COPRS: variants seen among roughly 807,000 people sequenced by gnomAD.
COPRS encodes the protein cooperator of PRMT5.
Under a neutral mutation model 19.9 loss-of-function variants are expected in COPRS, and 11 were observed. That is an observed-to-expected ratio of 0.55 (90% CI 0.35 to 0.92). The LOEUF is 0.92. Ranked by LOEUF, COPRS falls within the 40% of genes least tolerant of loss-of-function variation. The probability of loss-of-function intolerance (pLI) is 0.01; values close to 1 mark genes in which losing one functional copy is unlikely to be tolerated. For synonymous variants in COPRS, 81 were observed against 82.7 expected (o/e 0.98, Z 0.11); for missense variants, 225 against 229.9 (o/e 0.98, Z 0.14).
At chr17:31,852,388 T>C in intron 3 of COPRS, 80 bp from the exon 4 acceptor site, 4 of 1,073,708 alleles carry the variant, frequency 3.7e-6, no homozygotes, top group Non-Finnish European at 5.5e-6. Context: ...CAAAAAGGTA[T>C]GTCTAGGGGA....
chr17:31,859,036 G>GGCCCC (rs1909452410), intron 1 of COPRS, 65 bp downstream of exon 1: 5 of 1,170,636 alleles, frequency 4.3e-6, no homozygotes, highest in Non-Finnish European at 5.2e-6. Flanking sequence ...CGCCCAGCCC[G>GGCCCC]GCCCCGCGAC....
intron 2 of COPRS, among the ~76,000 whole-genome samples, chr17:31,854,987 T>A (rs922840152): frequency 1.3e-5 from 2 of 152,228 alleles, no homozygotes; most frequent in African/African-American, 2.4e-5. Flanking sequence ...AGGTTATGCA[T>A]CTTTTACCAC....
intron 2 of COPRS, among the ~76,000 whole-genome samples, chr17:31,853,499 C>T (rs1909228618): frequency 6.6e-6 from 1 of 152,010 alleles, no homozygotes; most frequent in Admixed American, 6.6e-5. Context: ...TCTGCCTCAG[C>T]CTCCTGAGCA....
At chr17:31,855,657 G>A (rs1909320982) in intron 2 of COPRS, among the ~76,000 whole-genome samples, 1 of 151,162 alleles carries the variant, frequency 6.6e-6, no homozygotes, top group Non-Finnish European at 1.5e-5. Flanking sequence ...CTGCACTCCA[G>A]CCTGGGTGAC....
chr17:31,855,604 T>C (rs1555571629), intron 2 of COPRS, among the ~76,000 whole-genome samples: 1 of 151,522 alleles, frequency 6.6e-6, no homozygotes, highest in Non-Finnish European at 1.5e-5. Context: ...GAGAATCACT[T>C]GAACCCGGGA....
chr17:31,852,229 A>AT lies in COPRS; in HGVS notation c.464dup (p.Tyr155Ter). The AT allele has an allele frequency of 6.2e-7, 1 of 1,614,146 alleles. No individual in the cohort carries two copies. Among genetic ancestry groups the AT allele is most frequent in the South Asian group, 1.1e-5 (1 of 91,088 alleles). Residue 155 changes from tyrosine to a stop codon, truncating the protein, a stop_gained and frameshift_variant, in exon 4 of 4, where the codon TAT becomes TAAT. Transcript: ENST00000302362. LOFTEE classifies it high-confidence loss of function. ...VCCAPQGDMI[Y>*]DPSWHHPPPL... Reference sequence around the variant, plus strand: ...GAGGCGGATGGTGCCAGCTGGGGTCATAGATCATGTCTCCTTGTGGGGCAC... The same window carrying AT: ...GAGGCGGATGGTGCCAGCTGGGGTCATTAGATCATGTCTCCTTGTGGGGCAC...
At chr17:31,857,096 C>A (rs1416983039) in intron 1 of COPRS, among the ~76,000 whole-genome samples, 3 of 152,150 alleles carry the variant, frequency 2.0e-5, no homozygotes, top group Non-Finnish European at 4.4e-5. Flanking sequence ...TTCACCGTGG[C>A]AGCAGGAATG....
intron 1 of COPRS, among the ~76,000 whole-genome samples, chr17:31,857,222 A>C (rs552956677): frequency 5.9e-5 from 9 of 152,304 alleles, no homozygotes; most frequent in African/African-American, 2.2e-4. Flanking sequence ...CTCCAAGCTC[A>C]GAGACCCCCT....
intron 1 of COPRS, among the ~76,000 whole-genome samples, chr17:31,857,134 T>C (rs1205546358): frequency 6.6e-6 from 1 of 152,114 alleles, no homozygotes; most frequent in Non-Finnish European, 1.5e-5. Context: ...CAGAATCCAG[T>C]ATACAGTTCT....
intron 1 of COPRS, 90 bp from the exon 2 acceptor site, chr17:31,856,955 C>T (rs1909377288): frequency 2.5e-6 from 2 of 805,760 alleles, no homozygotes; most frequent in Admixed American, 3.9e-5. Flanking sequence ...CCCACTCTTC[C>T]ATACTCCCCT....
chr17:31,854,764 A>G (rs1909280868), intron 2 of COPRS, among the ~76,000 whole-genome samples: 1 of 152,174 alleles, frequency 6.6e-6, no homozygotes, highest in African/African-American at 2.4e-5. Context: ...GCCTATCCAG[A>G]ACAGATAAAC....
chr17:31,858,612 T>C, intron 1 of COPRS: 1 of 1,021,502 alleles, frequency 9.8e-7, no homozygotes. Context: ...CTGGAAACCC[T>C]GCGTCAAACA....
At chr17:31,852,657 T>A (rs1009758722) in intron 3 of COPRS, among the ~76,000 whole-genome samples, 155 bp downstream of exon 3, 30 of 152,170 alleles carry the variant, frequency 2.0e-4, no homozygotes, top group African/African-American at 6.8e-4. Flanking sequence ...ATTTTTTCAA[T>A]ATAAAAGAGA....
At position 31,859,083 on chromosome 17, in the gene COPRS, C is replaced by A; in HGVS notation, c.99+18G>T. 3 of 1,130,582 alleles carry A rather than the reference C, an allele frequency of 2.7e-6. No individual in the cohort carries two copies. The highest frequency in any genetic ancestry group is 3.2e-6 in the Non-Finnish European group (3 of 925,700). 70.0% of individuals were successfully genotyped at this position (1,130,582 alleles called of 1,614,324 possible). On this transcript the variant is annotated intron_variant, in intron 1 of 3. Transcript: ENST00000302362. ...GGCTGCGGCTGGCTGTTGCTCCTGG[C>A]CCCCACGCGGCGCTCACCTCCGGGC...
rs111905881 is a variant in COPRS, at chr17:31,852,274, C to T, written c.420G>A (p.Glu140=). The T allele has an allele frequency of 1.9e-6, 3 of 1,613,332 alleles. No homozygotes were observed. Among genetic ancestry groups the T allele is most frequent in the Non-Finnish European group, 2.5e-6 (3 of 1,179,670 alleles). Residue 140 remains glutamate (E), a synonymous_variant, in exon 4 of 4, where the codon GAG becomes GAA. Transcript: ENST00000302362. ...GGGCACAGCACACCCAAGGTTTAAG[C>T]TCTTGAGAAATGCTCTCCTGGATGT... The part of the protein sequence containing the change: ...ADDIQESISQ[E]LKPWVCCAPQ...
At chr17:31,853,738 G>T (rs768434979) in intron 2 of COPRS, among the ~76,000 whole-genome samples, 5 of 152,104 alleles carry the variant, frequency 3.3e-5, no homozygotes, top group African/African-American at 9.7e-5. Context: ...GTGAGCACAG[G>T]GACAAAGGGG....
chr17:31,852,995 C>G lies in COPRS; in HGVS notation c.202G>C (p.Ala68Pro), dbSNP rs1448526983. The G allele has an allele frequency of 6.2e-7, 1 of 1,613,906 alleles. No individual in the cohort carries two copies. The highest frequency in any genetic ancestry group is 8.5e-7 in the Non-Finnish European group (1 of 1,179,924). ...GTQSIPNDSP[A>P]RGEGTHSEEE... The stretch of plus-strand genomic sequence containing the variant: ...TCAGAATGGGTGCCCTCACCCCGGG[C>G]AGGACTGTCATTAGGAATGCTCTGT... The change falls in exon 3 of 4, where the codon GCC (alanine) becomes CCC (proline). Residue 68 changes from alanine (A) to proline (P), a missense_variant. Physicochemically the swap from Ala to Pro is conservative, Grantham distance 27 (BLOSUM62 -1). Around this residue, in one of 3 missense-constraint regions of COPRS, gnomAD observed 170 missense variants for 171.4 expected, o/e 0.99. Transcript: ENST00000302362.
intron 1 of COPRS, chr17:31,858,326 C>T: frequency 1.0e-6 from 1 of 981,218 alleles, no homozygotes; most frequent in South Asian, 4.7e-5. Context: ...TTCTGCACTC[C>T]AAAGTAATTT....
chr17:31,858,824 C>G (rs1479170764), intron 1 of COPRS: 1 of 1,550,052 alleles, frequency 6.5e-7, no homozygotes, highest in Non-Finnish European at 8.7e-7. Flanking sequence ...CTCCCATTTA[C>G]CAAATCCGCA....
Sources: allele counts gnomAD v4.1 joint callset (sites outside exome capture counted in the v4.1 genomes callset), GRCh38; gene constraint gnomAD v4.1.1; regional missense constraint gnomAD v4.1.1; transcripts MANE v1.5; gene names NCBI Gene and HGNC (gene_info 2026-07-23, HGNC 2026-07-21).